LYZL2: variants seen among roughly 807,000 people sequenced by gnomAD.
The protein encoded by LYZL2 is lysozyme like 2.
Under a neutral mutation model 17.1 loss-of-function variants are expected in LYZL2, and 13 were observed. That is an observed-to-expected ratio of 0.76 (90% CI 0.49 to 1.21). The LOEUF is 1.21. Ranked by LOEUF, LYZL2 falls within the 50% of genes most tolerant of loss-of-function variation. The pLI is 0.00. For synonymous variants in LYZL2, 63 were observed against 74.4 expected, an observed-to-expected ratio of 0.85 and a Z score of 0.79; for missense variants, 166 against 189.2, an observed-to-expected ratio of 0.88 and a Z score of 0.72.
intron 3 of LYZL2, among the ~76,000 whole-genome samples, chr10:30,623,553 G>A (rs561391912): frequency 2.6e-5 from 4 of 152,140 alleles, no homozygotes; most frequent in East Asian, 3.9e-4. Flanking sequence ...ATCAGTGGCC[G>A]CATTAGATTC....
intron 3 of LYZL2, among the ~76,000 whole-genome samples, chr10:30,622,228 A>G (rs963151821): frequency 6.6e-6 from 1 of 152,210 alleles, no homozygotes; most frequent in Non-Finnish European, 1.5e-5. Flanking sequence ...CAAACAGAAA[A>G]CAAAATAGCA....
chr10:30,610,200 A>C (rs1169362104), downstream of LYZL2, among the ~76,000 whole-genome samples: 2 of 152,318 alleles, frequency 1.3e-5, no homozygotes, highest in African/African-American at 4.8e-5. Flanking sequence ...ATTTAAAGCC[A>C]TCTGGGCTGG....
At chr10:30,620,930 G>T (rs534052676) in intron 3 of LYZL2, among the ~76,000 whole-genome samples, 1 of 151,916 alleles carries the variant, frequency 6.6e-6, no homozygotes, top group Non-Finnish European at 1.5e-5. Flanking sequence ...AAAATACAGG[G>T]AGGGAAAAAT....
intron 3 of LYZL2, among the ~76,000 whole-genome samples, chr10:30,619,703 G>C (rs1171511840): frequency 6.6e-6 from 1 of 151,780 alleles, no homozygotes; most frequent in African/African-American, 2.4e-5. Flanking sequence ...GGGAGGGATA[G>C]CATTAGGAGA....
At chr10:30,617,678 A>AAAAAAAAAAAAAAAAAAAAG (rs1564407941) in intron 3 of LYZL2, among the ~76,000 whole-genome samples, 8 of 120,434 alleles carry the variant, frequency 6.6e-5, no homozygotes, top group South Asian at 2.9e-4. Context: ...CTGTCTCAAA[A>AAAAAAAAAAAAAAAAAAAAG]AAAAAAAAAA....
At chr10:30,619,628 G>A (rs1473100349) in intron 3 of LYZL2, among the ~76,000 whole-genome samples, 7 of 143,794 alleles carry the variant, frequency 4.9e-5, no homozygotes, top group Non-Finnish European at 7.5e-5. Context: ...ATTGAACAAT[G>A]AGAACACATG....
At chr10:30,625,961 G>GTTGCATAA (rs746885226) in intron 3 of LYZL2, 144 bp downstream of exon 3, 34 of 1,279,524 alleles carry the variant, frequency 2.7e-5, no homozygotes, top group Non-Finnish European at 4.3e-6. Flanking sequence ...CTTGGAAACT[G>GTTGCATAA]TTGCATAATT....
Position 30,612,829 on chromosome 10 carries a change from T to A in LYZL2, c.370A>T (p.Asn124Tyr), listed in dbSNP as rs1377272861. ...KKIVKETQGMNYWQGWKKHCE... is the reference protein window; with the variant it reads ...KKIVKETQGMYYWQGWKKHCE... ...CCAAGGAAAGACTCTTACCAATAGT[T>A]CATTCCTTGTGTCTCTTTAACAATT... Residue 124 changes from asparagine to tyrosine, a missense_variant, in exon 4 of 5, where the codon AAC (asparagine) becomes TAC (tyrosine). Asn to Tyr is a moderately radical substitution (Grantham distance 143). Transcript: ENST00000647634. 1 of 1,611,932 alleles carries A rather than the reference T, an allele frequency of 6.2e-7. No homozygotes were observed. Among genetic ancestry groups the A allele is most frequent in the Admixed American group, 1.7e-5 (1 of 60,016 alleles).
At chr10:30,619,593 C>G (rs908058951) in intron 3 of LYZL2, among the ~76,000 whole-genome samples, 1 of 150,972 alleles carries the variant, frequency 6.6e-6, no homozygotes, top group Non-Finnish European at 1.5e-5. Flanking sequence ...AACCAAACAC[C>G]GCATGTTCTC....
chr10:30,629,434 G>A lies in LYZL2; in HGVS notation c.-26+159C>T, dbSNP rs181173559. On this transcript the variant is annotated intron_variant, in intron 1 of 4. Transcript: ENST00000647634. ...GATGCAGAGCTTACAAATAAGGTTG[G>A]TTTCCATCCTCTGCCTTAGAATGTT... Among the ~76,000 whole-genome samples, 506 of 152,012 alleles carry A rather than the reference G, an allele frequency of 3.3e-3. 6 individuals carry two copies. The highest frequency in any genetic ancestry group is 0.012 in the African/African-American group (483 of 41,456).
chr10:30,606,960 C>T (rs1488814994), downstream of LYZL2, among the ~76,000 whole-genome samples: 1 of 149,496 alleles, frequency 6.7e-6, no homozygotes, highest in African/African-American at 2.5e-5. Flanking sequence ...GTTGCCCAGG[C>T]TGGAATGCAG....
chr10:30,627,493 T>C (rs749763527), intron 1 of LYZL2, among the ~76,000 whole-genome samples: 2 of 151,696 alleles, frequency 1.3e-5, no homozygotes, highest in Non-Finnish European at 2.9e-5. Context: ...GTAAATATAA[T>C]ATAATAGTAA....
chr10:30,628,929 T>C (rs1838761946), intron 1 of LYZL2, among the ~76,000 whole-genome samples: 1 of 152,212 alleles, frequency 6.6e-6, no homozygotes. Flanking sequence ...GGTAATATAT[T>C]GTTGGTGGCT....
In LYZL2 at chr10:30,623,074, G is replaced by T. The variant is rs79839714; in HGVS notation, c.298+3031C>A. On this transcript the variant is annotated intron_variant, in intron 3 of 4. Transcript: ENST00000647634. Reference sequence around the variant, plus strand: ...GAGTTAAGGAGAAACTTGGACTCCAGTGATAAAAGAGTCAATTCACCACAA... The same window carrying T: ...GAGTTAAGGAGAAACTTGGACTCCATTGATAAAAGAGTCAATTCACCACAA... 3.0e-3 allele frequency among the ~76,000 whole-genome samples: 463 copies of T among 152,332 alleles called. 2 individuals carry two copies. Among genetic ancestry groups the T allele is most frequent in the Middle Eastern group, 0.01 (3 of 294 alleles).
At chr10:30,626,321 T>G in intron 2 of LYZL2, 58 bp from the exon 3 acceptor site, 10 of 1,597,698 alleles carry the variant, frequency 6.3e-6, no homozygotes, top group Non-Finnish European at 8.5e-6. Context: ...TGCTCTAAGC[T>G]TGGTCTAAGG....
chr10:30,607,364 GC>G (rs1838389391), downstream of LYZL2, among the ~76,000 whole-genome samples: 1 of 151,910 alleles, frequency 6.6e-6, no homozygotes, highest in Non-Finnish European at 1.5e-5. Context: ...AGCAAAGGAG[GC>G]CCCAGTGGTA....
downstream of LYZL2, chr10:30,611,700 GAAAAAGAAAGAAAGAAAGAAAGA>G (rs1838444944): frequency 5.5e-6 from 2 of 362,958 alleles, no homozygotes; most frequent in South Asian, 4.7e-5. Flanking sequence ...AAGAAAGAAA[GAAAAAGAAAGAAAGAAAGAAAGA>G]AAAGAAAAGA....
At chr10:30,611,615 GAGAA>G (rs1395408840), downstream of LYZL2, among the ~76,000 whole-genome samples, 2 of 122,186 alleles carry the variant, frequency 1.6e-5, no homozygotes, top group African/African-American at 3.1e-5. Context: ...AAGAAAGAAA[GAGAA>G]AGAAAGAAGG....
rs149058399 is a variant in LYZL2 at position 30,626,930 on chromosome 10, G to A, written c.-15C>T. The A allele has an allele frequency of 6.2e-5, 100 of 1,612,332 alleles. No homozygotes were observed. Among genetic ancestry groups the A allele is most frequent in the South Asian group, 3.9e-4 (35 of 90,564 alleles). On this transcript the variant is annotated 5_prime_UTR_variant, in exon 2 of 5. Transcript: ENST00000647634. ...GCAGCCTTCATCCTCAAAGCCTGCC[G>A]GAGACAGAACCTGCCAAAGAGCCGG...
Sources: allele counts gnomAD v4.1 joint callset (sites outside exome capture counted in the v4.1 genomes callset), GRCh38; gene constraint gnomAD v4.1.1; transcripts MANE v1.5; gene names NCBI Gene and HGNC (gene_info 2026-07-23, HGNC 2026-07-21).